Variants in ZNF827 observed in about 807,000 individuals in gnomAD.
The protein encoded by ZNF827 is zinc finger protein 827.
ZNF827 carries 13 observed loss-of-function variants against 102.4 expected under a neutral mutation model. That is an observed-to-expected ratio of 0.13 (90% CI 0.08 to 0.20). The LOEUF is 0.20. ZNF827 is among the 10% of genes least tolerant of loss of function. ZNF827 has a pLI of 1.00. For synonymous variants in ZNF827, 523 were observed against 536.2 expected (o/e 0.98, Z 0.34); for missense variants, 1,103 against 1,344.4 (o/e 0.82, Z 2.81).
chr4:145,765,244 C>G lies in ZNF827; in HGVS notation c.3053-79G>C, dbSNP rs76846242. The G allele has an allele frequency of 0.17, 248,461 of 1,440,284 alleles. 29,663 individuals are homozygous for G. Among genetic ancestry groups the G allele is most frequent in the East Asian group, 0.69 (28,223 of 41,100 alleles). The allele number at this position is 1,440,284 out of a possible 1,614,324, so 89.2% of individuals were successfully genotyped here. On this transcript the variant is annotated intron_variant, in intron 12 of 14. Transcript: ENST00000508784. This position sits in a 1 kb window ranked among gnomAD's most constrained non-coding sequence, Gnocchi z 4.7. ...GCAGGAGTGGAGCCAAGCTCCTCCC[C>G]ACTTCCTCCCGCCTCCTCCGACGCC...
Position 145,870,242 on chromosome 4 carries a change from T to C in ZNF827, c.1981+3A>G. 1 of 1,613,294 alleles carries C rather than the reference T, an allele frequency of 6.2e-7. No homozygotes were observed. The highest frequency in any genetic ancestry group is 2.2e-5 in the East Asian group (1 of 44,844). ...TGTGAATATTTTAGAATAAATCAAG[T>C]ACCTGAGAGTTTCATGAGAAGTTCA... On this transcript the variant is annotated splice_donor_region_variant and intron_variant, in intron 5 of 14. Coordinates refer to ENST00000508784, the MANE Select transcript of ZNF827 (RefSeq NM_001306215.2).
intron 7 of ZNF827, among the ~76,000 whole-genome samples, chr4:145,834,208 G>C (rs1269521987): frequency 6.6e-6 from 1 of 152,120 alleles, no homozygotes; most frequent in East Asian, 1.9e-4. Context: ...AATAATTCTT[G>C]TCGTAAAATA....
At chr4:145,926,274 T>TA (rs1753415455) in intron 1 of ZNF827, among the ~76,000 whole-genome samples, 1 of 152,234 alleles carries the variant, frequency 6.6e-6, no homozygotes, top group Non-Finnish European at 1.5e-5. Flanking sequence ...AAGAACTTCA[T>TA]ATATTTGAAT....
intron 6 of ZNF827, among the ~76,000 whole-genome samples, chr4:145,848,758 G>A (rs1161960984): frequency 2.6e-5 from 4 of 152,156 alleles, no homozygotes; most frequent in Non-Finnish European, 5.9e-5. Flanking sequence ...GGTAATTACT[G>A]CACTTTTCAA....
At chr4:145,879,922 C>A (rs540962002) in intron 4 of ZNF827, among the ~76,000 whole-genome samples, 3 of 152,166 alleles carry the variant, frequency 2.0e-5, no homozygotes, top group Non-Finnish European at 2.9e-5. Flanking sequence ...CCTGGAACCA[C>A]ACTGCCTGGA....
At chr4:145,859,449 G>T (rs1335634265) in intron 5 of ZNF827, among the ~76,000 whole-genome samples, 1 of 152,048 alleles carries the variant, frequency 6.6e-6, no homozygotes, top group East Asian at 1.9e-4. Context: ...TTTTGATAGG[G>T]TACGGTCCCT....
At chr4:145,851,259 C>T (rs537099840) in intron 5 of ZNF827, among the ~76,000 whole-genome samples, 1 of 151,012 alleles carries the variant, frequency 6.6e-6, no homozygotes, top group Non-Finnish European at 1.5e-5. Context: ...CTACAGCAGA[C>T]CTAGGAAACT....
intron 5 of ZNF827, among the ~76,000 whole-genome samples, chr4:145,851,295 T>TAGAC (rs1283911607): frequency 8.1e-6 from 1 of 124,104 alleles, no homozygotes; most frequent in Non-Finnish European, 1.7e-5. Context: ...GATAGATAGA[T>TAGAC]AGACAGACAG....
rs1254214789 is a variant in ZNF827 at position 145,932,035 on chromosome 4, G to C, written c.43+6330C>G. On this transcript the variant is annotated intron_variant, in intron 1 of 14. Coordinates refer to ENST00000508784, the MANE Select transcript of ZNF827 (RefSeq NM_001306215.2). ...AGGAATTAGTGCGTTTATAAAAGGG[G>C]CCCTAGGGAGCTTGTGTGCCCCTTC... 2.0e-5 allele frequency among the ~76,000 whole-genome samples: 3 copies of C among 152,130 alleles called. No homozygotes were observed. The East Asian group carries it at 5.8e-4, about 29-fold the overall frequency.
chr4:145,937,101 A>G (rs1259800813), intron 1 of ZNF827, among the ~76,000 whole-genome samples: 1 of 151,872 alleles, frequency 6.6e-6, no homozygotes, highest in Non-Finnish European at 1.5e-5. Flanking sequence ...TTTTAGCTTT[A>G]GCAGCATCTC....
chr4:145,780,824 G>T (rs1412186510), intron 8 of ZNF827, among the ~76,000 whole-genome samples: 2 of 152,144 alleles, frequency 1.3e-5, no homozygotes, highest in African/African-American at 2.4e-5. Flanking sequence ...TCTCCTTAAA[G>T]CTCAGTACTG....
chr4:145,816,352 T>C (rs1742593316), intron 8 of ZNF827, among the ~76,000 whole-genome samples: 2 of 152,278 alleles, frequency 1.3e-5, no homozygotes, highest in African/African-American at 4.8e-5. Flanking sequence ...TTTGTGGCTT[T>C]CTACAGATTC....
At chr4:145,935,192 T>C (rs1419932791) in intron 1 of ZNF827, among the ~76,000 whole-genome samples, 1 of 152,204 alleles carries the variant, frequency 6.6e-6, no homozygotes, top group East Asian at 1.9e-4. Flanking sequence ...TTAAATTTGA[T>C]ACAAAACAGT....
At chr4:145,901,983 C>T (rs561669865) in intron 2 of ZNF827, among the ~76,000 whole-genome samples, 183 bp downstream of exon 2, 1 of 152,288 alleles carries the variant, frequency 6.6e-6, no homozygotes, top group African/African-American at 2.4e-5. Flanking sequence ...TTTGTGAAGT[C>T]TTTGTGTAAT....
At chr4:145,831,433 G>A (rs1744199114) in intron 7 of ZNF827, 1 of 152,250 alleles carries the variant, frequency 6.6e-6, no homozygotes, top group African/African-American at 2.4e-5. Flanking sequence ...TAAAAATCGA[G>A]GCTGGCATTG....
At chr4:145,911,930 C>T (rs918080621) in intron 1 of ZNF827, among the ~76,000 whole-genome samples, 1 of 152,192 alleles carries the variant, frequency 6.6e-6, no homozygotes, top group South Asian at 2.1e-4. Context: ...CAGCAAATTT[C>T]ATCCTCACAA....
At chr4:145,904,229 C>T (rs1044039448) in intron 1 of ZNF827, among the ~76,000 whole-genome samples, 4 of 152,204 alleles carry the variant, frequency 2.6e-5, no homozygotes, top group East Asian at 1.9e-4. Flanking sequence ...CTTCAACACC[C>T]GACTCAAAGG....
chr4:145,898,133 C>T (rs1176508046), intron 2 of ZNF827, among the ~76,000 whole-genome samples: 1 of 152,178 alleles, frequency 6.6e-6, no homozygotes, highest in East Asian at 1.9e-4. Context: ...CTAGCCTGGG[C>T]TATAGAGCCA....
chr4:145,789,502 C>A (rs1739371385), intron 8 of ZNF827, among the ~76,000 whole-genome samples: 3 of 152,142 alleles, frequency 2.0e-5, no homozygotes, highest in Admixed American at 1.3e-4. Flanking sequence ...TAATATTTAA[C>A]CTTATAGCAG....
Sources: allele counts gnomAD v4.1 joint callset (sites outside exome capture counted in the v4.1 genomes callset), GRCh38; gene constraint gnomAD v4.1.1; non-coding constraint Gnocchi (gnomAD v3.1); transcripts MANE v1.5; gene names NCBI Gene and HGNC (gene_info 2026-07-23, HGNC 2026-07-21).